Variants in ZNF521 observed in about 807,000 individuals in gnomAD.
ZNF521 encodes the protein zinc finger protein 521.
Under a neutral mutation model 105.5 loss-of-function variants are expected in ZNF521, and 14 were observed. The ratio of observed to expected loss-of-function variants is 0.13; its 90% CI spans 0.09 to 0.21. ZNF521 has a LOEUF of 0.21. Ranked by LOEUF, ZNF521 falls within the 10% of genes least tolerant of loss-of-function variation. The pLI is 1.00. For missense variants in ZNF521, 1,233 were observed against 1,629.7 expected (o/e 0.76, Z 4.19); for synonymous variants, 635 against 606.0 (o/e 1.05, Z -0.70).
chr18:25,065,851 A>G (rs1246960837), intron 7 of ZNF521, among the ~76,000 whole-genome samples: 2 of 152,178 alleles, frequency 1.3e-5, no homozygotes, highest in Non-Finnish European at 2.9e-5. Context: ...TTTCATCCTC[A>G]ATCAAAGCCA....
chr18:25,118,610 TACA>T (rs2034374192), intron 5 of ZNF521, among the ~76,000 whole-genome samples: 1 of 151,882 alleles, frequency 6.6e-6, no homozygotes, highest in African/African-American at 2.4e-5. Context: ...TTAAAATCCC[TACA>T]ACAACCACTA....
chr18:25,253,913 C>A (rs1308188900), intron 3 of ZNF521, among the ~76,000 whole-genome samples: 1 of 152,088 alleles, frequency 6.6e-6, no homozygotes, highest in Non-Finnish European at 1.5e-5. Context: ...ATAATTTTTA[C>A]ACATGATATG....
intron 5 of ZNF521, among the ~76,000 whole-genome samples, chr18:25,104,112 T>G (rs2034024439): frequency 6.6e-6 from 1 of 152,206 alleles, no homozygotes. Flanking sequence ...TAAATATTTC[T>G]AAGTCTATAA....
intron 3 of ZNF521, among the ~76,000 whole-genome samples, chr18:25,257,623 C>G (rs1380261029): frequency 6.6e-6 from 1 of 152,166 alleles, no homozygotes; most frequent in Admixed American, 6.5e-5. Context: ...AGTGGCTACA[C>G]GGAGCAACTA....
intron 5 of ZNF521, among the ~76,000 whole-genome samples, chr18:25,109,732 C>T (rs1462270539): frequency 1.3e-5 from 2 of 152,102 alleles, no homozygotes; most frequent in Non-Finnish European, 2.9e-5. Flanking sequence ...TGTTTCCTGG[C>T]CACTTGTATG....
At chr18:25,232,897 G>A (rs1906629967) in intron 3 of ZNF521, among the ~76,000 whole-genome samples, 1 of 152,044 alleles carries the variant, frequency 6.6e-6, no homozygotes, top group African/African-American at 2.4e-5. Context: ...GTTTACTTCT[G>A]CCAGCAGGCT....
chr18:25,167,955 C>T (rs775273643), intron 5 of ZNF521, among the ~76,000 whole-genome samples: 10 of 152,212 alleles, frequency 6.6e-5, no homozygotes, highest in Admixed American at 1.3e-4. Flanking sequence ...GAAAAGGTCA[C>T]TCGCATAAAA....
At chr18:25,111,989 C>T (rs1410361600) in intron 5 of ZNF521, among the ~76,000 whole-genome samples, 1 of 152,144 alleles carries the variant, frequency 6.6e-6, no homozygotes, top group Admixed American at 6.5e-5. Context: ...TGCTGTTTTC[C>T]GTGGGAAGCT....
intron 4 of ZNF521, among the ~76,000 whole-genome samples, chr18:25,200,464 T>C (rs2035973654): frequency 6.6e-6 from 1 of 151,898 alleles, no homozygotes; most frequent in Admixed American, 6.6e-5. Context: ...AATACAAAAA[T>C]AATAATTTCA....
chr18:25,143,599 G>T lies in ZNF521; in HGVS notation c.3659-51518C>A, dbSNP rs567098991. Among the ~76,000 whole-genome samples, 17 of 152,196 alleles carry T rather than the reference G, an allele frequency of 1.1e-4. No homozygotes were observed. The South Asian group carries it at 3.5e-3, about 32-fold the overall frequency. On this transcript the variant is annotated intron_variant, in intron 5 of 7. Coordinates refer to ENST00000361524, the MANE Select transcript of ZNF521 (RefSeq NM_015461.3). ...ATATAGTATTTGTAACTATCTTCAT[G>T]AAGCTTTCTTCAGATACCTTGTAGC... is the stretch of plus-strand genomic sequence containing the variant.
At chr18:25,301,631 A>G (rs1161350132) in intron 3 of ZNF521, among the ~76,000 whole-genome samples, 1 of 152,186 alleles carries the variant, frequency 6.6e-6, no homozygotes, top group African/African-American at 2.4e-5. Context: ...CAGCTCTCAC[A>G]TTGCTGGCAG....
At chr18:25,215,889 C>CA (rs1905295990) in intron 4 of ZNF521, among the ~76,000 whole-genome samples, 1 of 152,006 alleles carries the variant, frequency 6.6e-6, no homozygotes, top group Admixed American at 6.6e-5. Flanking sequence ...TTGTAGATGG[C>CA]AAAAAAATAT....
chr18:25,346,891 T>C (rs969277926), intron 2 of ZNF521, among the ~76,000 whole-genome samples: 1 of 152,224 alleles, frequency 6.6e-6, no homozygotes, highest in African/African-American at 2.4e-5. Flanking sequence ...AATGACTAAG[T>C]GCTCCCCTCT....
chr18:25,065,930 G>A (rs1438935654), intron 7 of ZNF521, among the ~76,000 whole-genome samples: 3 of 152,220 alleles, frequency 2.0e-5, no homozygotes, highest in African/African-American at 4.8e-5. Flanking sequence ...ACAGACTGAA[G>A]TTGTTTCATA....
chr18:25,155,054 A>G (rs771868554), intron 5 of ZNF521, among the ~76,000 whole-genome samples: 2 of 152,100 alleles, frequency 1.3e-5, no homozygotes, highest in Middle Eastern at 3.2e-3. Context: ...AACATTTGTG[A>G]TATCTTGTCG....
chr18:25,229,535 T>C (rs367862618), intron 3 of ZNF521, among the ~76,000 whole-genome samples: 3,981 of 128,294 alleles, frequency 0.031, 164 homozygotes, highest in African/African-American at 0.12. Context: ...CCACTCAACA[T>C]ACAAAAAAAA....
intron 5 of ZNF521, among the ~76,000 whole-genome samples, chr18:25,142,929 A>G (rs1459490596): frequency 6.6e-6 from 1 of 152,174 alleles, no homozygotes. Flanking sequence ...CTATTCTAAC[A>G]GGTTATGGTA....
intron 3 of ZNF521, chr18:25,273,556 G>C (rs1158070869): frequency 6.6e-6 from 1 of 152,122 alleles, no homozygotes; most frequent in Non-Finnish European, 1.5e-5. Flanking sequence ...ACGTGACTTT[G>C]GACAAGTTAT....
intron 2 of ZNF521, among the ~76,000 whole-genome samples, chr18:25,350,681 T>C (rs1442718164): frequency 2.0e-5 from 3 of 151,164 alleles, no homozygotes; most frequent in African/African-American, 7.3e-5. Context: ...GCCCACTTTC[T>C]ACCGCCGCCC....
Sources: gnomAD v4.1 joint callset for allele counts (sites outside exome capture counted in the v4.1 genomes callset) on GRCh38, gnomAD v4.1.1 for gene constraint, MANE v1.5 for transcripts, NCBI Gene and HGNC (gene_info 2026-07-23, HGNC 2026-07-21) for gene names.